The following UMAD1 variants were observed in gnomAD, a reference collection of about 807,000 sequenced individuals.
UMAD1 encodes the protein UBAP1-MVB12-associated (UMA)-domain containing protein 1.
Under a neutral mutation model 6.1 loss-of-function variants are expected in UMAD1, and 8 were observed. The ratio of observed to expected loss-of-function variants is 1.30; its 90% CI spans 0.76 to 2.35. The LOEUF (loss-of-function observed/expected upper bound fraction) is 2.35. Ranked by LOEUF, UMAD1 falls within the 30% of genes most tolerant of loss-of-function variation. The pLI is 0.00. For synonymous variants in UMAD1, 56 were observed against 31.4 expected (o/e 1.78, Z -2.61); for missense variants, 130 against 78.4 (o/e 1.66, Z -2.49).
intron 2 of UMAD1, among the ~76,000 whole-genome samples, chr7:7,767,409 G>A (rs1333804903): frequency 6.6e-6 from 1 of 152,194 alleles, no homozygotes; most frequent in African/African-American, 2.4e-5. Context: ...ACAGGCGTGA[G>A]CCACCGCGCC....
At chr7:7,805,358 C>T (rs1050402335) in intron 3 of UMAD1, among the ~76,000 whole-genome samples, 1 of 151,826 alleles carries the variant, frequency 6.6e-6, no homozygotes, top group African/African-American at 2.4e-5. Context: ...CCAATTCCCC[C>T]TGAGGTACCC....
chr7:7,678,710 ATT>A (rs1188692443), intron 2 of UMAD1, among the ~76,000 whole-genome samples: 20 of 128,414 alleles, frequency 1.6e-4, no homozygotes, highest in African/African-American at 6.3e-4. Context: ...ATATTTATAT[ATT>A]TAGTTTATAA....
chr7:7,826,225 T>C (rs1783338079), intron 3 of UMAD1, among the ~76,000 whole-genome samples: 1 of 152,138 alleles, frequency 6.6e-6, no homozygotes, highest in Non-Finnish European at 1.5e-5. Flanking sequence ...TGTTTTTCTT[T>C]ATCTAGAAAT....
intron 3 of UMAD1, among the ~76,000 whole-genome samples, chr7:7,810,540 A>G (rs901496522): frequency 6.6e-6 from 1 of 152,166 alleles, no homozygotes; most frequent in African/African-American, 2.4e-5. Context: ...AAAATTGTAT[A>G]TACAGTATGA....
intron 2 of UMAD1, among the ~76,000 whole-genome samples, chr7:7,681,285 CA>C (rs1779906886): frequency 6.6e-6 from 1 of 152,052 alleles, no homozygotes; most frequent in Non-Finnish European, 1.5e-5. Context: ...CTGCTTAACA[CA>C]AATAGGTTTT....
intron 3 of UMAD1, among the ~76,000 whole-genome samples, chr7:7,861,416 C>G (rs1170750785): frequency 6.6e-6 from 1 of 152,170 alleles, no homozygotes; most frequent in Non-Finnish European, 1.5e-5. Context: ...TTTCCAACCC[C>G]ATCTTCTATT....
chr7:7,853,735 A>G (rs7808111), intron 3 of UMAD1, among the ~76,000 whole-genome samples: 67,549 of 151,930 alleles, frequency 0.44, 15,831 homozygotes, highest in African/African-American at 0.54. Flanking sequence ...ATAGAAAATC[A>G]TATCATCTGT....
chr7:7,730,997 TTTTGTTTG>T (rs576485376), intron 2 of UMAD1, among the ~76,000 whole-genome samples: 1 of 152,092 alleles, frequency 6.6e-6, no homozygotes, highest in African/African-American at 2.4e-5. Context: ...CAAGTATGTT[TTTTGTTTG>T]TTTGTTTGTT....
chr7:7,853,812 G>A (rs1294306354), intron 3 of UMAD1, among the ~76,000 whole-genome samples: 4 of 152,022 alleles, frequency 2.6e-5, no homozygotes, highest in Non-Finnish European at 5.9e-5. Context: ...TCGAGATCTT[G>A]CTTAATTGCC....
intron 3 of UMAD1, among the ~76,000 whole-genome samples, chr7:7,855,262 G>A (rs1783994439): frequency 6.6e-6 from 1 of 152,220 alleles, no homozygotes; most frequent in Non-Finnish European, 1.5e-5. Context: ...GCCCCAGTGT[G>A]GACTCTGCAT....
At chr7:7,743,332 C>T (rs1563171344) in intron 2 of UMAD1, among the ~76,000 whole-genome samples, 1 of 152,006 alleles carries the variant, frequency 6.6e-6, no homozygotes, top group Non-Finnish European at 1.5e-5. Context: ...TTGTAACAGT[C>T]AATTAATTTC....
intron 1 of UMAD1, among the ~76,000 whole-genome samples, chr7:7,664,991 G>T (rs569253350): frequency 4.1e-5 from 6 of 146,268 alleles, no homozygotes; most frequent in Non-Finnish European, 9.2e-5. Context: ...AATGTGTGTG[G>T]GTGATATATA....
intron 3 of UMAD1, among the ~76,000 whole-genome samples, chr7:7,813,656 A>G (rs1266673309): frequency 6.6e-6 from 1 of 152,246 alleles, no homozygotes; most frequent in Non-Finnish European, 1.5e-5. Flanking sequence ...AAGTTGGTAA[A>G]TGGTTGTATA....
chr7:7,861,098 G>C (rs1008060012), intron 3 of UMAD1, among the ~76,000 whole-genome samples: 1 of 152,152 alleles, frequency 6.6e-6, no homozygotes, highest in Non-Finnish European at 1.5e-5. Flanking sequence ...CCAGGGCTTG[G>C]GGAGAGGAGG....
At chr7:7,749,344 C>G (rs1370396640) in intron 2 of UMAD1, among the ~76,000 whole-genome samples, 2 of 152,188 alleles carry the variant, frequency 1.3e-5, no homozygotes, top group African/African-American at 4.8e-5. Context: ...TAATTACTTT[C>G]CAGCAGTGCA....
intron 2 of UMAD1, among the ~76,000 whole-genome samples, chr7:7,761,892 A>T (rs13244556): frequency 0.065 from 9,926 of 152,108 alleles, 475 homozygotes; most frequent in Middle Eastern, 0.15. Context: ...GTTGCTTCTT[A>T]TCCGTCTCCT....
At chr7:7,711,979 A>G (rs1242688720) in intron 2 of UMAD1, among the ~76,000 whole-genome samples, 2 of 151,760 alleles carry the variant, frequency 1.3e-5, no homozygotes, top group Non-Finnish European at 2.9e-5. Flanking sequence ...GGGATAACCT[A>G]TTTTCTTAGT....
intron 2 of UMAD1, among the ~76,000 whole-genome samples, chr7:7,796,244 CTTTTTT>C (rs59221325): frequency 1.4e-4 from 9 of 63,952 alleles, no homozygotes; most frequent in African/African-American, 7.8e-4. Context: ...TATTTTCTTT[CTTTTTT>C]TTTTTTTTTT....
intron 3 of UMAD1, among the ~76,000 whole-genome samples, chr7:7,825,648 GA>G (rs1398822993): frequency 6.6e-6 from 1 of 152,054 alleles, no homozygotes; most frequent in East Asian, 1.9e-4. Context: ...ATTTGAGTGG[GA>G]ACACAGCCAA....
Sources: gnomAD v4.1 joint callset for allele counts (sites outside exome capture counted in the v4.1 genomes callset) on GRCh38, gnomAD v4.1.1 for gene constraint, MANE v1.5 for transcripts, NCBI Gene and HGNC (gene_info 2026-07-23, HGNC 2026-07-21) for gene names.